The following CCDC30 variants were observed in gnomAD, a reference collection of about 807,000 sequenced individuals.
CCDC30 encodes the protein coiled-coil domain-containing protein 30.
CCDC30 carries 70 observed loss-of-function variants against 100.2 expected under a neutral mutation model. The observed-to-expected ratio is 0.70, with a 90% CI of 0.58 to 0.85. The LOEUF is 0.85. Ranked by LOEUF, CCDC30 falls within the 40% of genes least tolerant of loss-of-function variation. The pLI, the probability that CCDC30 is intolerant of heterozygous loss-of-function variation, is 0.00. For synonymous variants in CCDC30, 233 were observed against 269.5 expected (o/e 0.86, Z 1.33); for missense variants, 652 against 771.2 (o/e 0.85, Z 1.83).
upstream of CCDC30, chr1:42,459,661 A>C (rs762812496): frequency 5.0e-6 from 8 of 1,614,048 alleles, no homozygotes; most frequent in Non-Finnish European, 6.8e-6. Context: ...TGGGCTCCCA[A>C]AGCATTTATA....
intron 7 of CCDC30, among the ~76,000 whole-genome samples, chr1:42,572,834 G>T (rs1645760239): frequency 6.6e-6 from 1 of 152,100 alleles, no homozygotes; most frequent in Admixed American, 6.6e-5. Flanking sequence ...GGCCTGGCTG[G>T]CCTCGAACTC....
At chr1:42,481,314 A>T (rs1190408899) in intron 2 of CCDC30, among the ~76,000 whole-genome samples, 1 of 151,148 alleles carries the variant, frequency 6.6e-6, no homozygotes, top group African/African-American at 2.4e-5. Context: ...AGTGGCTCAT[A>T]CCTGTAATCC....
intron 11 of CCDC30, among the ~76,000 whole-genome samples, chr1:42,616,903 T>A (rs1193618752): frequency 6.6e-6 from 1 of 152,222 alleles, no homozygotes; most frequent in African/African-American, 2.4e-5. Flanking sequence ...AGGTAAAGTA[T>A]AATACAGTCA....
intron 6 of CCDC30, among the ~76,000 whole-genome samples, chr1:42,542,036 C>G (rs1021349477): frequency 3.3e-5 from 5 of 152,200 alleles, no homozygotes; most frequent in African/African-American, 1.2e-4. Flanking sequence ...CCTAAGGCCT[C>G]AATCAGAAAG....
At chr1:42,546,761 G>A (rs1007636195) in intron 6 of CCDC30, among the ~76,000 whole-genome samples, 8 of 151,526 alleles carry the variant, frequency 5.3e-5, no homozygotes, top group African/African-American at 1.2e-4. Flanking sequence ...CCCTCTAAAG[G>A]TACTTCTACT....
the CCDC30 span, chr1:42,456,645 C>T: frequency 6.3e-7 from 1 of 1,582,998 alleles, no homozygotes; most frequent in Non-Finnish European, 8.6e-7. Flanking sequence ...GCTCGCTTCG[C>T]GGCCAGGCTG....
intron 10 of CCDC30, among the ~76,000 whole-genome samples, chr1:42,604,058 A>G (rs1411934230): frequency 1.3e-5 from 2 of 150,948 alleles, no homozygotes; most frequent in African/African-American, 2.4e-5. Context: ...TGTCTCTCCA[A>G]TTTTTTTTTA....
At chr1:42,580,236 T>G (rs1371619579) in intron 8 of CCDC30, among the ~76,000 whole-genome samples, 2 of 152,226 alleles carry the variant, frequency 1.3e-5, no homozygotes, top group Non-Finnish European at 2.9e-5. Flanking sequence ...CCAAGGAACT[T>G]GAGCTGGCCT....
intron 11 of CCDC30, among the ~76,000 whole-genome samples, chr1:42,627,375 A>G (rs1054223617): frequency 1.3e-5 from 2 of 152,232 alleles, no homozygotes; most frequent in African/African-American, 2.4e-5. Flanking sequence ...ACAGAGCATA[A>G]AAATTCAGAA....
At chr1:42,636,695 C>T (rs1355481340) in intron 11 of CCDC30, among the ~76,000 whole-genome samples, 1 of 151,392 alleles carries the variant, frequency 6.6e-6, no homozygotes, top group African/African-American at 2.4e-5. Context: ...AGTCCAAGTG[C>T]GGTAGCTCAT....
At chr1:42,591,551 G>A (rs1192321858) in intron 10 of CCDC30, 2 of 152,416 alleles carry the variant, frequency 1.3e-5, no homozygotes, top group Non-Finnish European at 2.9e-5. Context: ...AAAGATTTCA[G>A]ATGATGTGAG....
intron 6 of CCDC30, chr1:42,500,236 A>G (rs565653182): frequency 2.1e-5 from 34 of 1,602,958 alleles, no homozygotes; most frequent in Middle Eastern, 1.8e-4. Context: ...CTCCTGTTCA[A>G]TCGTTTCTTT....
In CCDC30 at chr1:42,524,777, CT is replaced by C. The variant is rs375665784; in HGVS notation, c.456+25864del. ...ATTAACAGCAATTTACCATCCAACC[CT>C]TTCTCTAGAAGTTTCAAGCCTTTAA... On this transcript the variant is annotated intron_variant, in intron 6 of 16. Coordinates refer to ENST00000668663, the Ensembl canonical transcript of CCDC30. Among the ~76,000 whole-genome samples, 35 of 152,302 alleles carry C rather than the reference CT, an allele frequency of 2.3e-4. 1 individual carries two copies. The East Asian group carries it at 6.7e-3, about 29-fold the overall frequency.
chr1:42,549,308 T>C (rs545277775), intron 6 of CCDC30, among the ~76,000 whole-genome samples: 3 of 152,298 alleles, frequency 2.0e-5, no homozygotes, highest in South Asian at 2.1e-4. Context: ...TCTTCTTTTT[T>C]CACAAATGAG....
intron 4 of CCDC30, among the ~76,000 whole-genome samples, chr1:42,491,551 A>G (rs1440182478): frequency 3.3e-5 from 5 of 152,212 alleles, no homozygotes; most frequent in African/African-American, 1.2e-4. Context: ...TGATAGCACA[A>G]CAGGGTGACT....
intron 10 of CCDC30, chr1:42,590,569 T>C (rs1570169481): frequency 6.6e-6 from 1 of 152,030 alleles, no homozygotes; most frequent in African/African-American, 2.4e-5. Flanking sequence ...AGTGAGCCCT[T>C]GTCTCAACAA....
chr1:42,579,677 A>AAGGAAGGAAGGGAGGAAGGG (rs1185931402), intron 8 of CCDC30, among the ~76,000 whole-genome samples: 1 of 150,546 alleles, frequency 6.6e-6, no homozygotes, highest in Non-Finnish European at 1.5e-5. Context: ...GCAAGGAAGA[A>AAGGAAGGAAGGGAGGAAGGG]AGGAAGGAAG....
At chr1:42,649,379 A>G (rs1390833205) in intron 15 of CCDC30, among the ~76,000 whole-genome samples, 1 of 152,236 alleles carries the variant, frequency 6.6e-6, no homozygotes, top group African/African-American at 2.4e-5. Context: ...CATACAGAAA[A>G]AGCATCTGAC....
intron 8 of CCDC30, among the ~76,000 whole-genome samples, chr1:42,578,032 G>A (rs528038052): frequency 2.0e-5 from 3 of 152,188 alleles, no homozygotes; most frequent in African/African-American, 7.2e-5. Context: ...ATTTTGTAGG[G>A]GGATTTGTGT....
Sources: gnomAD v4.1 joint callset for allele counts (sites outside exome capture counted in the v4.1 genomes callset) on GRCh38, gnomAD v4.1.1 for gene constraint, MANE v1.5 for transcripts, NCBI Gene and HGNC (gene_info 2026-07-23, HGNC 2026-07-21) for gene names.